PLXNB3: variants seen among roughly 807,000 people sequenced by gnomAD.
The protein encoded by PLXNB3 is plexin B3.
A neutral mutation model predicts 125.7 loss-of-function variants in PLXNB3; 80 were observed. That is an observed-to-expected ratio of 0.64 (90% confidence interval 0.53 to 0.77). PLXNB3 has a LOEUF of 0.77. PLXNB3 is among the 30% of genes least tolerant of loss of function. The pLI is 0.00. For missense variants in PLXNB3, 1,836 were observed against 1,729.3 expected, an observed-to-expected ratio of 1.06 and a Z score of -1.09; for synonymous variants, 954 against 783.3, an observed-to-expected ratio of 1.22 and a Z score of -3.64.
intron 26 of PLXNB3, 105 bp from the exon 27 acceptor site, chrX:153,775,782 G>A: frequency 1.2e-5 from 13 of 1,087,498 alleles, no homozygotes; most frequent in African/African-American, 1.8e-5. Flanking sequence ...TTTGGAAAGG[G>A]AAGGACTTTG....
rs1557060134 is a variant in PLXNB3, at chrX:153,768,344, G to A, written c.1182G>A (p.Gly394=). ...PLEVQPLLKL[G]QPVSAVAALQ... The stretch of plus-strand genomic sequence containing the variant: ...AGGTCCAGCCTCTGCTGAAGCTCGG[G>A]CAGCCGGTCAGCGCCGTGGCAGCTC... Residue 394 remains glycine, a synonymous_variant, in exon 4 of 36, where the codon GGG becomes GGA. Coordinates refer to ENST00000361971, the MANE Select transcript of PLXNB3 (RefSeq NM_005393.3). 8.3e-7 allele frequency: 1 copy of A among 1,210,639 alleles called. No homozygotes were observed. Among genetic ancestry groups the A allele is most frequent in the Non-Finnish European group, 1.1e-6 (1 of 894,959 alleles).
At chrX:153,777,875 G>A in intron 31 of PLXNB3, 73 bp from the exon 32 acceptor site, 1 of 1,139,881 alleles carries the variant, frequency 8.8e-7, no homozygotes, top group Non-Finnish European at 1.2e-6. Flanking sequence ...GTTGCCAGTA[G>A]GCTGGAGTAC....
intron 26 of PLXNB3, 109 bp from the exon 27 acceptor site, chrX:153,775,778 A>C (rs1297047663): frequency 9.2e-7 from 1 of 1,090,650 alleles, no homozygotes; most frequent in African/African-American, 1.8e-5. Context: ...GGGCTTTGGA[A>C]AGGGAAGGAC....
chrX:153,773,481 C>G, intron 18 of PLXNB3, 37 bp from the exon 19 acceptor site: 1 of 1,182,350 alleles, frequency 8.5e-7, no homozygotes, highest in African/African-American at 1.7e-5. Context: ...CTATGTTGCC[C>G]ACCGCCCGCC....
chrX:153,774,155 C>CCAGCGG (rs1189999219), intron 20 of PLXNB3, 31 bp from the exon 21 acceptor site: 23 of 1,202,023 alleles, frequency 1.9e-5, no homozygotes, highest in Non-Finnish European at 2.5e-5. Flanking sequence ...TCTGTGGGGG[C>CCAGCGG]CAGCGGCTTA....
In PLXNB3 at chrX:153,777,236, G is replaced by A. The variant is rs782087499; in HGVS notation, c.4956G>A (p.Glu1652=). 5 of 1,146,887 alleles carry A rather than the reference G, an allele frequency of 4.4e-6. No homozygotes were observed. The East Asian group carries it at 1.6e-4, about 37-fold the overall frequency. 94.5% of individuals were successfully genotyped at this position (1,146,887 alleles called of 1,213,427 possible). Residue 1652 remains glutamate (E), a synonymous_variant, in exon 30 of 36, where the codon GAG becomes GAA. Transcript: ENST00000361971. Reference sequence around the variant, plus strand: ...TACCCACGCTGGAGGATGGCGAGGAGGGGGGGGTGTGCCTCTGGCACCTGG... The same window carrying A: ...TACCCACGCTGGAGGATGGCGAGGAAGGGGGGGTGTGCCTCTGGCACCTGG... ...ENIPTLEDGE[E]GGVCLWHLVK...
At chrX:153,778,564 G>A in intron 34 of PLXNB3, 36 bp from the exon 35 acceptor site, 1 of 1,172,180 alleles carries the variant, frequency 8.5e-7, no homozygotes, top group Non-Finnish European at 1.2e-6. Context: ...GGACCAGGCT[G>A]GGACCTCACT....
chrX:153,774,582 C>G lies in PLXNB3; in HGVS notation c.3830+11C>G. 1.7e-6 allele frequency: 2 copies of G among 1,186,582 alleles called. No homozygotes were observed. The highest frequency in any genetic ancestry group is 2.3e-6 in the Non-Finnish European group (2 of 880,949). ...CACCCTCATGTACAGGTGAGACCCG[C>G]CCACCCCCAGCACACTTCCCTCCTC... is the stretch of plus-strand genomic sequence containing the variant. On this transcript the variant is annotated intron_variant, in intron 22 of 35. Coordinates refer to ENST00000361971, the MANE Select transcript of PLXNB3 (RefSeq NM_005393.3).
intron 2 of PLXNB3, chrX:153,766,184 T>C (rs1557059086): frequency 8.8e-7 from 1 of 1,135,741 alleles, no homozygotes; most frequent in South Asian, 2.1e-5. Flanking sequence ...GCCCCAGTGC[T>C]TCCTCGCCCT....
Position 153,774,754 on chromosome X carries a change from G to A in PLXNB3, c.3879G>A (p.Gln1293=). Residue 1293 remains glutamine, a synonymous_variant, in exon 23 of 36, where the codon CAG becomes CAA. Transcript: ENST00000361971. The part of the protein sequence containing the change: ...ALRDYQKVLV[Q]LESLETGVGD... ...GGGACTACCAGAAGGTGCTAGTGCAGCTGGAGAGCCTGGAGACCGGCGTGG... is the reference window on the plus strand; with the variant it reads ...GGGACTACCAGAAGGTGCTAGTGCAACTGGAGAGCCTGGAGACCGGCGTGG... 8.3e-7 allele frequency: 1 copy of A among 1,199,632 alleles called. No homozygotes were observed. Among genetic ancestry groups the A allele is most frequent in the Non-Finnish European group, 1.1e-6 (1 of 889,235 alleles).
chrX:153,770,435 G>C lies in PLXNB3; in HGVS notation c.1884G>C (p.Glu628Asp). The C allele has an allele frequency of 8.3e-7, 1 of 1,208,952 alleles. No individual in the cohort carries two copies. The highest frequency in any genetic ancestry group is 1.1e-6 in the Non-Finnish European group (1 of 893,645). The part of the protein sequence containing the change: ...FYDCSAVQAL[E>D]AAAPCRACVG... ...ACTGCAGTGCCGTCCAGGCCTTGGA[G>C]GCGGCTGCCCCGTGAGTCCCTGGGC... The change falls in exon 9 of 36, where the codon GAG becomes GAC. Residue 628 changes from glutamate (E) to aspartate (D), a missense_variant. By Grantham distance (45) the Glu-to-Asp change is conservative. Transcript: ENST00000361971.
Position 153,773,405 on chromosome X carries a change from G to A in PLXNB3, c.3082G>A (p.Gly1028Arg), listed in dbSNP as rs2148425608. The change falls in exon 18 of 36, where the codon GGG (glycine) becomes AGG (arginine). Residue 1028 changes from glycine to arginine, a missense_variant and splice_region_variant. By Grantham distance (125) the Gly-to-Arg change is moderately radical. Coordinates refer to ENST00000361971, the MANE Select transcript of PLXNB3 (RefSeq NM_005393.3). ...VAAEPSASFR[G>R]GGRLIRVRGT... ...GGCGGAGCCCAGTGCCAGCTTCCGGGGGTGAGGGTCAGCCCGCAGGCCAGC... is the reference window on the plus strand; with the variant it reads ...GGCGGAGCCCAGTGCCAGCTTCCGGAGGTGAGGGTCAGCCCGCAGGCCAGC... 8.3e-7 allele frequency: 1 copy of A among 1,201,598 alleles called. No homozygotes were observed. Among genetic ancestry groups the A allele is most frequent in the South Asian group, 1.8e-5 (1 of 55,625 alleles).
chrX:153,766,964 G>A lies in PLXNB3; in HGVS notation c.137G>A (p.Arg46His). ...PPPLPLTGAH[R>H]FSAPNTTLNH... ...CCACTGCCCTTGACAGGGGCCCATC[G>A]CTTCTCCGCACCTAATACCACTCTC... The change falls in exon 3 of 36, where the codon CGC becomes CAC. Residue 46 changes from arginine (R) to histidine (H), a missense_variant. By Grantham distance (29) the Arg-to-His change is conservative. Coordinates refer to ENST00000361971, the MANE Select transcript of PLXNB3 (RefSeq NM_005393.3). The A allele has an allele frequency of 4.1e-6, 5 of 1,210,416 alleles. No individual in the cohort carries two copies. Among genetic ancestry groups the A allele is most frequent in the Non-Finnish European group, 5.6e-6 (5 of 895,388 alleles).
Position 153,776,051 on chromosome X carries a change from G to A in PLXNB3, c.4566G>A (p.Val1522=), listed in dbSNP as rs2091981826. Residue 1522 remains valine (V), a synonymous_variant, in exon 27 of 36, where the codon GTG becomes GTA. Transcript: ENST00000361971. The stretch of plus-strand genomic sequence containing the variant: ...AGCCCCTGACGCTGATGGTGCTGGT[G>A]GGGCCCGGGGCTGGCGGGGCCGCAG... The part of the protein sequence containing the change: ...EFQPLTLMVL[V]GPGAGGAAGS... The A allele has an allele frequency of 2.5e-6, 3 of 1,199,459 alleles. No individual in the cohort carries two copies. The highest frequency in any genetic ancestry group is 3.6e-5 in the South Asian group (2 of 55,606).
At chrX:153,766,205 G>A (rs1375148875) in intron 2 of PLXNB3, 12 of 1,149,509 alleles carry the variant, frequency 1.0e-5, no homozygotes, top group Non-Finnish European at 1.3e-5. Context: ...GGAGCTGGGC[G>A]CCAGCATGGA....
At position 153,776,160 on chromosome X, in the gene PLXNB3, G is replaced by T; in HGVS notation, c.4675G>T (p.Val1559Phe). 1 of 1,198,715 alleles carries T rather than the reference G, an allele frequency of 8.3e-7. No homozygotes were observed. The highest frequency in any genetic ancestry group is 1.1e-6 in the Non-Finnish European group (1 of 889,000). Residue 1559 changes from valine (V) to phenylalanine (F), a missense_variant, in exon 27 of 36, where the codon GTC (valine) becomes TTC (phenylalanine). Physicochemically the swap from Val to Phe is conservative, Grantham distance 50. Coordinates refer to ENST00000361971, the MANE Select transcript of PLXNB3 (RefSeq NM_005393.3). The stretch of plus-strand genomic sequence containing the variant: ...GGTCAAGGAGAAGGTGTTGGACCAA[G>T]TCTACAAGGGCACCCCCTTCTCCCA... ...TQVKEKVLDQ[V>F]YKGTPFSQRP...
chrX:153,776,000 C>A lies in PLXNB3; in HGVS notation c.4515C>A (p.Arg1505=), dbSNP rs782168852. ...GKAKRTLNDS[R]LLREDVEFQP... is the part of the protein sequence containing the mutation. The stretch of plus-strand genomic sequence containing the variant: ...CCAAACGGACCCTGAATGATAGCCG[C>A]TTGCTGCGGGAGGACGTGGAGTTCC... Residue 1505 remains arginine, a synonymous_variant, in exon 27 of 36, where the codon CGC becomes CGA. Coordinates refer to ENST00000361971, the MANE Select transcript of PLXNB3 (RefSeq NM_005393.3). 3 of 1,209,529 alleles carry A rather than the reference C, an allele frequency of 2.5e-6. No individual in the cohort carries two copies. Among genetic ancestry groups the A allele is most frequent in the Non-Finnish European group, 3.4e-6 (3 of 894,620 alleles).
Position 153,767,195 on chromosome X carries a change from G to A in PLXNB3, c.368G>A (p.Ser123Asn), listed in dbSNP as rs1557059533. The A allele has an allele frequency of 8.3e-7, 1 of 1,204,562 alleles. No homozygotes were observed. Among genetic ancestry groups the A allele is most frequent in the South Asian group, 1.8e-5 (1 of 56,093 alleles). ...AATGCCAACCAGCTGCTGCTGGTGA[G>A]CAGCCGCGCCCAGGAGCTGGTGGCC... ...TDNANQLLLV[S>N]SRAQELVACG... The change falls in exon 3 of 36, where the codon AGC (serine) becomes AAC (asparagine). Residue 123 changes from serine (S) to asparagine (N), a missense_variant. Coordinates refer to ENST00000361971, the MANE Select transcript of PLXNB3 (RefSeq NM_005393.3).
rs782616397 is a variant in PLXNB3 at position 153,765,685 on chromosome X, T to C, written c.45+105T>C. 264 of 1,153,623 alleles carry C rather than the reference T, an allele frequency of 2.3e-4. 1 individual carries two copies. The African/African-American group carries it at 4.4e-3, about 19-fold the overall frequency. On this transcript the variant is annotated intron_variant, in intron 2 of 35. Transcript: ENST00000361971. ...GACATACAGGCTGCAGCCTCCCTCATGGCAGACACTGCCCCAGATAGCCCG... is the reference window on the plus strand; with the variant it reads ...GACATACAGGCTGCAGCCTCCCTCACGGCAGACACTGCCCCAGATAGCCCG...
Sources: gnomAD v4.1 joint callset for allele counts on GRCh38, gnomAD v4.1.1 for gene constraint, MANE v1.5 for transcripts, NCBI Gene and HGNC (gene_info 2026-07-23, HGNC 2026-07-21) for gene names.